Variants in PCSK1 observed in about 807,000 individuals in gnomAD.
The protein encoded by PCSK1 is neuroendocrine convertase 1.
In PCSK1, 56 loss-of-function variants were observed where a neutral mutation model predicts 90.6. The ratio of observed to expected loss-of-function variants is 0.62; its 90% CI spans 0.50 to 0.77. PCSK1 has a LOEUF of 0.77. Ranked by LOEUF, PCSK1 falls within the 30% of genes least tolerant of loss-of-function variation. PCSK1 has a pLI of 0.00. For synonymous variants in PCSK1, 348 were observed against 342.4 expected (o/e 1.02, Z -0.18); for missense variants, 801 against 932.6 (o/e 0.86, Z 1.84).
In PCSK1 at chr5:96,397,317, T is replaced by G. The variant is rs1297177380; in HGVS notation, c.1722+19A>C. On this transcript the variant is annotated intron_variant, in intron 12 of 13. Transcript: ENST00000311106. ...TTAAAAGTAAGCTTGTGTTTTTTCA[T>G]CCTCTCATTCACACTTACCATGTCT... is the stretch of plus-strand genomic sequence containing the variant. 6.2e-7 allele frequency: 1 copy of G among 1,609,578 alleles called. No individual in the cohort carries two copies. The highest frequency in any genetic ancestry group is 8.5e-7 in the Non-Finnish European group (1 of 1,176,288).
rs1190307703 is a variant in PCSK1, at chr5:96,416,096, T to C, written c.646A>G (p.Ile216Val). The change falls in exon 6 of 14, where the codon ATT becomes GTT. Residue 216 changes from isoleucine to valine, a missense_variant. Transcript: ENST00000311106. The part of the protein sequence containing the change: ...NKHGTRCAGE[I>V]AMQANNHKCG... ...TTGTGATTATTTGCTTGCATGGCAATTTCTCCTGCACATCTGGTCCCGTGT... is the reference window on the plus strand; with the variant it reads ...TTGTGATTATTTGCTTGCATGGCAACTTCTCCTGCACATCTGGTCCCGTGT... The C allele has an allele frequency of 6.2e-7, 1 of 1,612,452 alleles. No individual in the cohort carries two copies. The highest frequency in any genetic ancestry group is 2.2e-5 in the East Asian group (1 of 44,866).
At chr5:96,414,340 T>G (rs1295644120) in intron 6 of PCSK1, among the ~76,000 whole-genome samples, 1 of 151,956 alleles carries the variant, frequency 6.6e-6, no homozygotes, top group Non-Finnish European at 1.5e-5. Flanking sequence ...CAACCACCAT[T>G]TGAGGTGGGT....
Position 96,418,060 on chromosome 5 carries a change from G to A in PCSK1, c.621-1939C>T, listed in dbSNP as rs1277243809. Among the ~76,000 whole-genome samples the A allele has an allele frequency of 3.3e-5, 5 of 152,340 alleles. No homozygotes were observed. The East Asian group carries it at 7.7e-4, about 23-fold the overall frequency. On this transcript the variant is annotated intron_variant, in intron 5 of 13. Transcript: ENST00000311106. ...GGTTTGTGCCTTTGTCCTAAAAAAT[G>A]ATGCAGTGTGACAGCACCTATTATT...
chr5:96,433,060 G>C lies in PCSK1; in HGVS notation c.-18C>G. 1 of 1,611,512 alleles carries C rather than the reference G, an allele frequency of 6.2e-7. No homozygotes were observed. On this transcript the variant is annotated 5_prime_UTR_variant, in exon 1 of 14. Transcript: ENST00000311106. ...CGCTCCATAGCTCACACACTCGCTT[G>C]AACAAGAGTGGGAAGGGAAGAGGAA...
chr5:96,412,647 C>G (rs114473388), intron 6 of PCSK1, among the ~76,000 whole-genome samples, 157 bp from the exon 7 acceptor site: 3,672 of 151,884 alleles, frequency 0.024, 147 homozygotes, highest in African/African-American at 0.084. Context: ...AACCCAGCTA[C>G]TGACACCACA....
intron 8 of PCSK1, among the ~76,000 whole-genome samples, chr5:96,408,817 T>A (rs1391288067): frequency 2.6e-5 from 4 of 152,188 alleles, no homozygotes. Context: ...GCACAAAAAA[T>A]GCTTAATATG....
chr5:96,399,299 C>T (rs1407458453), intron 10 of PCSK1, among the ~76,000 whole-genome samples: 1 of 152,126 alleles, frequency 6.6e-6, no homozygotes, highest in Non-Finnish European at 1.5e-5. Flanking sequence ...CAAAAAGCCC[C>T]TCTTAAGAAA....
At chr5:96,409,463 G>C (rs893934235) in intron 8 of PCSK1, among the ~76,000 whole-genome samples, 2 of 152,168 alleles carry the variant, frequency 1.3e-5, no homozygotes, top group Non-Finnish European at 2.9e-5. Flanking sequence ...GTTTGCGTAA[G>C]AAAAAGGTTA....
chr5:96,398,981 C>T lies in PCSK1; in HGVS notation c.1486G>A (p.Gly496Arg). Reference protein sequence around the residue: ...IIEIPTRACEGQENAIKSLEH... With the variant: ...IIEIPTRACERQENAIKSLEH... ...AGGGACTTGATAGCATTTTCTTGTCCTTCACAAGCTCTTGTTGGAATTTCA... is the reference window on the plus strand; with the variant it reads ...AGGGACTTGATAGCATTTTCTTGTCTTTCACAAGCTCTTGTTGGAATTTCA... Residue 496 changes from glycine (G) to arginine (R), a missense_variant, in exon 11 of 14, where the codon GGA (glycine) becomes AGA (arginine). Coordinates refer to ENST00000311106, the MANE Select transcript of PCSK1 (RefSeq NM_000439.5). 6.2e-7 allele frequency: 1 copy of T among 1,612,716 alleles called. No homozygotes were observed. The highest frequency in any genetic ancestry group is 8.5e-7 in the Non-Finnish European group (1 of 1,178,846).
rs184991736 is a variant in PCSK1, at chr5:96,404,810, T to C, written c.1196+3413A>G. On this transcript the variant is annotated intron_variant, in intron 9 of 13. Transcript: ENST00000311106. ...CTCAACCTCTCTAAGCCTTATTTTT[T>C]CCCATTTATAGGTGAAATTAATAAT... is the stretch of plus-strand genomic sequence containing the variant. Among the ~76,000 whole-genome samples the C allele has an allele frequency of 6.2e-4, 94 of 152,342 alleles. 1 individual carries two copies. The highest frequency in any genetic ancestry group is 2.7e-3 in the Admixed American group (42 of 15,308).
In PCSK1 at chr5:96,390,386, T is replaced by G; in HGVS notation, c.*2615A>C. Reference sequence around the variant, plus strand: ...TTTTGACTTAGTGAGAAACAATTTATTTTTCTGATTTATAAGCATATTTTA... The same window carrying G: ...TTTTGACTTAGTGAGAAACAATTTAGTTTTCTGATTTATAAGCATATTTTA... On this transcript the variant is annotated 3_prime_UTR_variant, in exon 14 of 14. Transcript: ENST00000311106. 1 of 152,226 alleles carries G rather than the reference T, an allele frequency of 6.6e-6. No individual in the cohort carries two copies. The highest frequency in any genetic ancestry group is 1.9e-4 in the East Asian group (1 of 5,202). 9.4% of individuals were successfully genotyped at this position (152,226 alleles called of 1,614,324 possible).
rs372783656 is a variant in PCSK1 at position 96,400,245 on chromosome 5, C to T, written c.1197-59G>A. ...GAAAAATGAAGTTTCCTTGCAAAAG[C>T]AAGTGCTAACAATAAGCATCTCCAT... On this transcript the variant is annotated intron_variant, in intron 9 of 13. Transcript: ENST00000311106. 1.9e-4 allele frequency: 211 copies of T among 1,130,940 alleles called. 1 individual carries two copies. The African/African-American group carries it at 2.5e-3, about 13-fold the overall frequency. 70.1% of individuals were successfully genotyped at this position (1,130,940 alleles called of 1,614,324 possible).
chr5:96,414,226 A>T (rs1760871897), intron 6 of PCSK1, among the ~76,000 whole-genome samples: 1 of 152,048 alleles, frequency 6.6e-6, no homozygotes, highest in African/African-American at 2.4e-5. Flanking sequence ...CAGTTTCTTC[A>T]ACTGTAAAAT....
At chr5:96,429,711 G>C (rs996000735) in intron 1 of PCSK1, among the ~76,000 whole-genome samples, 1 of 152,070 alleles carries the variant, frequency 6.6e-6, no homozygotes, top group Non-Finnish European at 1.5e-5. Context: ...GCGGTATTCG[G>C]TTTTCTGTTC....
At chr5:96,414,061 C>G (rs930623703) in intron 6 of PCSK1, among the ~76,000 whole-genome samples, 7 of 148,856 alleles carry the variant, frequency 4.7e-5, no homozygotes, top group Admixed American at 4.0e-4. Flanking sequence ...ATGGCATGAA[C>G]CCGGGAGGCG....
intron 1 of PCSK1, among the ~76,000 whole-genome samples, chr5:96,430,121 T>C (rs930112909): frequency 2.6e-5 from 4 of 152,222 alleles, no homozygotes; most frequent in Non-Finnish European, 5.9e-5. Flanking sequence ...GATTTTCCAC[T>C]AATTCAAGGC....
intron 9 of PCSK1, among the ~76,000 whole-genome samples, chr5:96,404,006 T>C (rs1760473011): frequency 6.6e-6 from 1 of 152,220 alleles, no homozygotes; most frequent in African/African-American, 2.4e-5. Flanking sequence ...ATTATTCTGA[T>C]TCTTTTGATC....
chr5:96,408,162 G>T, intron 9 of PCSK1, 61 bp downstream of exon 9: 2 of 1,193,290 alleles, frequency 1.7e-6, no homozygotes, highest in Non-Finnish European at 2.5e-6. Context: ...AAAAAAAAGT[G>T]TTATTAAAAA....
chr5:96,400,653 G>A (rs533250359), intron 9 of PCSK1, among the ~76,000 whole-genome samples: 1 of 152,152 alleles, frequency 6.6e-6, no homozygotes. Context: ...ACACAGACTG[G>A]CTACCTGCTG....
Sources: allele counts gnomAD v4.1 joint callset (sites outside exome capture counted in the v4.1 genomes callset), GRCh38; gene constraint gnomAD v4.1.1; transcripts MANE v1.5; gene names NCBI Gene and HGNC (gene_info 2026-07-23, HGNC 2026-07-21).